The following CEP128 variants were observed in gnomAD, a reference collection of about 807,000 sequenced individuals.
CEP128 encodes the protein centrosomal protein 128, also known as centrosomal protein 128kDa.
Under a neutral mutation model 156.7 loss-of-function variants are expected in CEP128, and 132 were observed. The observed-to-expected ratio is 0.84, with a 90% CI of 0.73 to 0.97. The LOEUF is 0.97. Among genes scored for constraint, CEP128 ranks in the 50% least tolerant of loss-of-function variants. CEP128 has a pLI of 0.00. For synonymous variants in CEP128, 469 were observed against 448.9 expected (o/e 1.04, Z -0.57); for missense variants, 1,252 against 1,281.9 (o/e 0.98, Z 0.36).
intron 20 of CEP128, among the ~76,000 whole-genome samples, chr14:80,570,115 G>C (rs1406583177): frequency 6.6e-6 from 1 of 152,040 alleles, no homozygotes; most frequent in Non-Finnish European, 1.5e-5. Flanking sequence ...TTTAACATAT[G>C]TTCTTTTTAT....
chr14:80,740,302 G>A (rs1452285263), intron 19 of CEP128, among the ~76,000 whole-genome samples: 1 of 151,970 alleles, frequency 6.6e-6, no homozygotes, highest in Non-Finnish European at 1.5e-5. Flanking sequence ...TCTATGCTAG[G>A]TGATACATAA....
intron 19 of CEP128, among the ~76,000 whole-genome samples, chr14:80,700,646 A>G (rs929232272): frequency 3.3e-5 from 5 of 152,116 alleles, no homozygotes; most frequent in African/African-American, 1.2e-4. Flanking sequence ...CCAACTACCT[A>G]TCTGAATGGG....
chr14:80,898,195 A>T (rs149904300), intron 7 of CEP128, among the ~76,000 whole-genome samples: 37 of 152,354 alleles, frequency 2.4e-4, no homozygotes, highest in African/African-American at 8.7e-4. Context: ...ATGTTTTGTA[A>T]TAAATGTCAA....
chr14:80,670,705 A>C (rs1256901837), intron 19 of CEP128, among the ~76,000 whole-genome samples: 2 of 152,184 alleles, frequency 1.3e-5, no homozygotes, highest in Non-Finnish European at 2.9e-5. Flanking sequence ...GGTAACACTA[A>C]AGACCCAGAG....
At chr14:80,599,421 C>G in intron 19 of CEP128, among the ~76,000 whole-genome samples, 1 of 151,720 alleles carries the variant, frequency 6.6e-6, no homozygotes, top group Non-Finnish European at 1.5e-5. Flanking sequence ...GACAGGCACC[C>G]GCCACCACGC....
Position 80,880,735 on chromosome 14 carries a change from C to T in CEP128, c.645+14983G>A, listed in dbSNP as rs1300253671. ...AAAATTAGCCGGGCATGGTGGTGGG[C>T]GCCTGTAGTCCCAGCTACTCGGGAG... On this transcript the variant is annotated intron_variant, in intron 8 of 24. Transcript: ENST00000555265. Among the ~76,000 whole-genome samples the T allele has an allele frequency of 2.7e-4, 40 of 149,506 alleles. 1 individual carries two copies. Among genetic ancestry groups the T allele is most frequent in the African/African-American group, 9.5e-4 (39 of 40,900 alleles).
At chr14:80,910,430 G>C (rs1343698339) in intron 4 of CEP128, among the ~76,000 whole-genome samples, 1 of 152,170 alleles carries the variant, frequency 6.6e-6, no homozygotes, top group African/African-American at 2.4e-5. Flanking sequence ...GTACTGTATA[G>C]TGAGTGAGTT....
chr14:80,903,343 G>A (rs1218691664), intron 6 of CEP128, among the ~76,000 whole-genome samples: 1 of 151,914 alleles, frequency 6.6e-6, no homozygotes, highest in Non-Finnish European at 1.5e-5. Context: ...ACACAAAAAA[G>A]TCAACTCAAA....
intron 19 of CEP128, among the ~76,000 whole-genome samples, chr14:80,679,723 T>G (rs912162138): frequency 6.7e-6 from 1 of 149,294 alleles, no homozygotes; most frequent in Admixed American, 6.6e-5. Flanking sequence ...GCATGTGATC[T>G]TTGTTCTCCT....
chr14:80,702,120 T>A (rs548046030), intron 19 of CEP128, among the ~76,000 whole-genome samples: 2 of 152,206 alleles, frequency 1.3e-5, no homozygotes, highest in South Asian at 4.1e-4. Context: ...CTATAATTTA[T>A]GTATTTGTTT....
intron 19 of CEP128, among the ~76,000 whole-genome samples, chr14:80,722,645 T>C (rs1452878097): frequency 6.6e-6 from 1 of 151,892 alleles, no homozygotes; most frequent in East Asian, 1.9e-4. Flanking sequence ...AATGTTCATA[T>C]ATAAGCTTCT....
At chr14:80,918,651 A>G (rs1174297894) in intron 2 of CEP128, among the ~76,000 whole-genome samples, 1 of 152,224 alleles carries the variant, frequency 6.6e-6, no homozygotes, top group African/African-American at 2.4e-5. Flanking sequence ...TATCCTGAGA[A>G]TTAACAATCT....
At chr14:80,549,817 AG>A (rs1890139169) in intron 21 of CEP128, among the ~76,000 whole-genome samples, 1 of 152,232 alleles carries the variant, frequency 6.6e-6, no homozygotes, top group Non-Finnish European at 1.5e-5. Flanking sequence ...CACATGCAGT[AG>A]GATGAAGCAC....
At chr14:80,736,406 C>G (rs1898534525) in intron 19 of CEP128, among the ~76,000 whole-genome samples, 1 of 152,074 alleles carries the variant, frequency 6.6e-6, no homozygotes, top group Non-Finnish European at 1.5e-5. Flanking sequence ...TAAGGAAGAA[C>G]AGCTTTGCTA....
Position 80,784,894 on chromosome 14 carries a change from C to T in CEP128, c.2211+1G>A. The T allele has an allele frequency of 1.9e-6, 3 of 1,595,892 alleles. No individual in the cohort carries two copies. The highest frequency in any genetic ancestry group is 2.6e-6 in the Non-Finnish European group (3 of 1,171,706). On this transcript the variant is annotated splice_donor_variant, in intron 15 of 24. Transcript: ENST00000555265. LOFTEE classifies it high-confidence loss of function. ...TCATCAGGATAATTTAGCAGAGGTA[C>T]CTTCAGAGTCCTGATATGATTCTCA...
At chr14:80,919,698 A>T (rs1884748041) in intron 2 of CEP128, among the ~76,000 whole-genome samples, 2 of 152,094 alleles carry the variant, frequency 1.3e-5, no homozygotes, top group Admixed American at 1.3e-4. Context: ...TACTGGTATT[A>T]AAAAAAATTA....
At chr14:80,900,276 T>C (rs1282134828) in intron 6 of CEP128, among the ~76,000 whole-genome samples, 1 of 152,104 alleles carries the variant, frequency 6.6e-6, no homozygotes. Flanking sequence ...ATTCTACCCC[T>C]CTAGAAGGGG....
chr14:80,914,652 A>T (rs923317184), intron 3 of CEP128, among the ~76,000 whole-genome samples: 1 of 152,188 alleles, frequency 6.6e-6, no homozygotes, highest in Non-Finnish European at 1.5e-5. Flanking sequence ...CGTATTCAAG[A>T]TTCCCTAGTA....
At chr14:80,799,148 G>A (rs1405988581) in intron 13 of CEP128, among the ~76,000 whole-genome samples, 1 of 152,138 alleles carries the variant, frequency 6.6e-6, no homozygotes, top group African/African-American at 2.4e-5. Flanking sequence ...ACCTTAGAAG[G>A]GTGCTTAACC....
Sources: allele counts gnomAD v4.1 joint callset (sites outside exome capture counted in the v4.1 genomes callset), GRCh38; gene constraint gnomAD v4.1.1; transcripts MANE v1.5; gene names NCBI Gene and HGNC (gene_info 2026-07-23, HGNC 2026-07-21).